Variants in GPC4 observed in about 807,000 individuals in gnomAD.
GPC4 encodes glypican-4.
Under a neutral mutation model 35.0 loss-of-function variants are expected in GPC4, and 10 were observed. That is an observed-to-expected ratio of 0.29 (90% CI 0.18 to 0.48). The LOEUF is 0.48. Ranked by LOEUF, GPC4 falls within the 20% of genes least tolerant of loss-of-function variation. The probability of loss-of-function intolerance (pLI) is 0.99; values close to 1 mark genes in which losing one functional copy is unlikely to be tolerated. For synonymous variants in GPC4, 167 were observed against 170.2 expected (o/e 0.98, Z 0.15); for missense variants, 322 against 451.3 (o/e 0.71, Z 2.60).
chrX:133,359,254 A>C (rs746426489), intron 1 of GPC4, among the ~76,000 whole-genome samples: 1 of 111,778 alleles, frequency 8.9e-6, no homozygotes, highest in Admixed American at 9.5e-5. Context: ...GGGAGTTCGG[A>C]AAGTAAACAA....
intron 3 of GPC4, among the ~76,000 whole-genome samples, chrX:133,317,344 T>C (rs1268792556): frequency 9.0e-6 from 1 of 111,690 alleles, no homozygotes; most frequent in Non-Finnish European, 1.9e-5. Context: ...TCAGGATATA[T>C]ACATTTATCA....
chrX:133,406,665 C>T (rs2068789055), intron 1 of GPC4, among the ~76,000 whole-genome samples: 1 of 103,094 alleles, frequency 9.7e-6, no homozygotes, highest in African/African-American at 3.6e-5. Context: ...AGGAGAATCA[C>T]TTGAACCCAG....
At chrX:133,406,322 C>G (rs1351420561) in intron 1 of GPC4, among the ~76,000 whole-genome samples, 2 of 112,478 alleles carry the variant, frequency 1.8e-5, no homozygotes, top group African/African-American at 6.5e-5. Context: ...CCATGTTTGA[C>G]ACACCTTTCT....
intron 1 of GPC4, among the ~76,000 whole-genome samples, chrX:133,378,307 C>T (rs1424276682): frequency 9.0e-6 from 1 of 111,254 alleles, no homozygotes; most frequent in Non-Finnish European, 1.9e-5. Flanking sequence ...GTGGTTGATG[C>T]CTGTAATCCC....
At chrX:133,309,619 C>T (rs1001750966) in intron 4 of GPC4, among the ~76,000 whole-genome samples, 12 of 112,825 alleles carry the variant, frequency 1.1e-4, no homozygotes, top group African/African-American at 3.5e-4. Context: ...TGTCACCATA[C>T]ACTTTTTTGT....
Position 133,311,355 on chromosome X carries a change from G to C in GPC4, c.780C>G (p.Leu260=), listed in dbSNP as rs1011086071. Residue 260 remains leucine, a synonymous_variant, in exon 4 of 9, where the codon CTC becomes CTG. Coordinates refer to ENST00000370828, the MANE Select transcript of GPC4 (RefSeq NM_001448.3). ...KMIYCSHCRG[L]VTVKPCYNYC... The stretch of plus-strand genomic sequence containing the variant: ...AGTTGTAACATGGCTTCACAGTCAC[G>C]AGACCCCGGCAGTGGGAGCAGTAGA... The C allele has an allele frequency of 8.3e-7, 1 of 1,210,710 alleles. No individual in the cohort carries two copies. The highest frequency in any genetic ancestry group is 1.1e-6 in the Non-Finnish European group (1 of 894,478).
At chrX:133,380,642 T>C (rs766417378) in intron 1 of GPC4, among the ~76,000 whole-genome samples, 13 of 111,674 alleles carry the variant, frequency 1.2e-4, no homozygotes, top group Non-Finnish European at 1.9e-4. Flanking sequence ...TATACATTTA[T>C]ATGCAATGTG....
At chrX:133,332,257 TAACAATG>T (rs2068423887) in intron 2 of GPC4, among the ~76,000 whole-genome samples, 1 of 111,827 alleles carries the variant, frequency 8.9e-6, no homozygotes. Flanking sequence ...TAAAAGACAG[TAACAATG>T]GCTTATCAAA....
chrX:133,331,880 G>A (rs917755748), intron 2 of GPC4, among the ~76,000 whole-genome samples: 5 of 111,490 alleles, frequency 4.5e-5, no homozygotes, highest in African/African-American at 1.6e-4. Context: ...ACGGTTGGGT[G>A]CTGGGGATCA....
In GPC4 at chrX:133,388,432, C is replaced by G. The variant is rs146132887; in HGVS notation, c.160+26374G>C. ...TAGTAACACTTACTGAGCCCCTGTA[C>G]TATATGTAAGGCATGATAGGGGATT... On this transcript the variant is annotated intron_variant, in intron 1 of 8. Transcript: ENST00000370828. Among the ~76,000 whole-genome samples, 16 of 112,196 alleles carry G rather than the reference C, an allele frequency of 1.4e-4. 2 individuals are homozygous for G. In the East Asian group the frequency reaches 4.5e-3, roughly 31 times the overall value.
rs781129725 is a variant in GPC4, at chrX:133,343,931, C to T, written c.161-4590G>A. Among the ~76,000 whole-genome samples, 99 of 109,947 alleles carry T rather than the reference C, an allele frequency of 9.0e-4. 1 individual carries two copies. Among genetic ancestry groups the T allele is most frequent in the African/African-American group, 3.1e-3 (94 of 30,454 alleles). Reference sequence around the variant, plus strand: ...GGCATTGAATATGAGGAATCTATTCCATCATTTAACAGCGCTCTGAGGCAA... The same window carrying T: ...GGCATTGAATATGAGGAATCTATTCTATCATTTAACAGCGCTCTGAGGCAA... On this transcript the variant is annotated intron_variant, in intron 1 of 8. Transcript: ENST00000370828.
intron 3 of GPC4, among the ~76,000 whole-genome samples, chrX:133,312,988 T>A (rs2266795): frequency 0.43 from 47,251 of 110,883 alleles, 9,340 homozygotes; most frequent in African/African-American, 0.78. Flanking sequence ...CTGTCTCCTC[T>A]TTCTCTCTGC....
intron 1 of GPC4, among the ~76,000 whole-genome samples, chrX:133,389,141 TAG>T (rs1048431624): frequency 4.6e-5 from 5 of 109,226 alleles, no homozygotes; most frequent in Non-Finnish European, 9.5e-5. Context: ...GTATTCTCAG[TAG>T]AGACAGGGTT....
At chrX:133,316,535 T>G (rs1169812910) in intron 3 of GPC4, among the ~76,000 whole-genome samples, 1 of 112,082 alleles carries the variant, frequency 8.9e-6, no homozygotes, top group Non-Finnish European at 1.9e-5. Context: ...TGGAGCTGGA[T>G]GTTTTCTAGT....
At chrX:133,411,054 A>T (rs2067234459) in intron 1 of GPC4, among the ~76,000 whole-genome samples, 1 of 112,042 alleles carries the variant, frequency 8.9e-6, no homozygotes, top group Admixed American at 9.4e-5. Context: ...TAATCAACTC[A>T]CTATTAGAAA....
At position 133,324,550 on chromosome X, in the gene GPC4, CAAAAAAA is replaced by C. The variant is rs57898529; in HGVS notation, c.320-21_320-15del. On this transcript the variant is annotated splice_polypyrimidine_tract_variant and intron_variant, in intron 2 of 8. Transcript: ENST00000370828. The stretch of plus-strand genomic sequence containing the variant: ...CTTTGAAGAATTCTGAAACCAACAC[CAAAAAAA>C]AAAAAAAAAAAAGGAAAAACGAGAG... 1.0e-4 allele frequency: 84 copies of C among 806,879 alleles called. No homozygotes were observed. Among genetic ancestry groups the C allele is most frequent in the South Asian group, 3.3e-4 (6 of 18,238 alleles). 66.5% of individuals were successfully genotyped at this position (806,879 alleles called of 1,213,427 possible).
chrX:133,339,527 C>G (rs892907245), intron 1 of GPC4, among the ~76,000 whole-genome samples, 186 bp from the exon 2 acceptor site: 1 of 111,772 alleles, frequency 8.9e-6, no homozygotes, highest in African/African-American at 3.2e-5. Context: ...AATAATAAAG[C>G]CCTCTCCAAA....
chrX:133,324,494 T>G lies in GPC4; in HGVS notation c.362A>C (p.Asn121Thr). The change falls in exon 3 of 9, where the codon AAT (asparagine) becomes ACT (threonine). Residue 121 changes from asparagine (N) to threonine (T), a missense_variant. Coordinates refer to ENST00000370828, the MANE Select transcript of GPC4 (RefSeq NM_001448.3). The part of the protein sequence containing the change: ...ELLENAEKSL[N>T]DMFVKTYGHL... ...GCCATATGTCTTCACAAACATATCA[T>G]TCAGGGATTTCTCTGCATTTTCAAG... 1 of 1,157,057 alleles carries G rather than the reference T, an allele frequency of 8.6e-7. No individual in the cohort carries two copies. The highest frequency in any genetic ancestry group is 1.2e-6 in the Non-Finnish European group (1 of 868,895).
chrX:133,367,727 G>A (rs867333003), intron 1 of GPC4, among the ~76,000 whole-genome samples: 11 of 111,589 alleles, frequency 9.9e-5, no homozygotes, highest in African/African-American at 3.3e-4. Context: ...AATTACCTGG[G>A]CATAGTGGTG....
Sources: gnomAD v4.1 joint callset for allele counts (sites outside exome capture counted in the v4.1 genomes callset) on GRCh38, gnomAD v4.1.1 for gene constraint, MANE v1.5 for transcripts, NCBI Gene and HGNC (gene_info 2026-07-23, HGNC 2026-07-21) for gene names.